Variants in ANO3 observed in about 807,000 individuals in gnomAD.
ANO3 encodes anoctamin 3.
A neutral mutation model predicts 144.8 loss-of-function variants in ANO3; 99 were observed. The ratio of observed to expected loss-of-function variants is 0.68; its 90% CI spans 0.58 to 0.81. ANO3 has a LOEUF of 0.81. Among genes scored for constraint, ANO3 ranks in the 30% least tolerant of loss-of-function variants. ANO3 has a pLI of 0.00. For synonymous variants in ANO3, 414 were observed against 392.6 expected, an observed-to-expected ratio of 1.05 and a Z score of -0.64; for missense variants, 905 against 1,202.2, an observed-to-expected ratio of 0.75 and a Z score of 3.66.
At chr11:26,514,990 G>A (rs558072290) in intron 5 of ANO3, among the ~76,000 whole-genome samples, 1 of 151,808 alleles carries the variant, frequency 6.6e-6, no homozygotes, top group African/African-American at 2.4e-5. Context: ...TTAAACAAAT[G>A]GTTATTTGAA....
Position 26,406,675 on chromosome 11 carries a change from C to T in ANO3, c.47-35243C>T, listed in dbSNP as rs1373887598. Reference sequence around the variant, plus strand: ...GTGAAAGGGGTCCAATAATCTATGGCAGTGTGTGTGTGTGTGTGTGTGTGT... The same window carrying T: ...GTGAAAGGGGTCCAATAATCTATGGTAGTGTGTGTGTGTGTGTGTGTGTGT... On this transcript the variant is annotated intron_variant, in intron 1 of 26. Coordinates refer to ENST00000256737, the MANE Select transcript of ANO3 (RefSeq NM_031418.4). Among the ~76,000 whole-genome samples, 7 of 102,594 alleles carry T rather than the reference C, an allele frequency of 6.8e-5. No individual in the cohort carries two copies. The South Asian group carries it at 2.2e-3, about 32-fold the overall frequency. 67.3% of individuals were successfully genotyped at this position (102,594 alleles called of 152,430 possible).
Position 26,440,583 on chromosome 11 carries a change from A to C in ANO3, c.47-1335A>C, listed in dbSNP as rs191803565. Among the ~76,000 whole-genome samples, 7 of 152,274 alleles carry C rather than the reference A, an allele frequency of 4.6e-5. No homozygotes were observed. In the East Asian group the frequency reaches 1.4e-3, roughly 29 times the overall value. On this transcript the variant is annotated intron_variant, in intron 1 of 26. Transcript: ENST00000256737. ...CATGAAGAATGAACTGAGACAGGCA[A>C]TTAGGTACAATAAGGATATCTACTC...
chr11:26,450,664 T>C (rs1858897428), intron 3 of ANO3, among the ~76,000 whole-genome samples: 2 of 152,166 alleles, frequency 1.3e-5, no homozygotes, highest in South Asian at 4.1e-4. Context: ...ATTTGAGAAA[T>C]GGAGATATCA....
At chr11:26,488,734 A>G (rs1860573117) in intron 4 of ANO3, among the ~76,000 whole-genome samples, 1 of 152,180 alleles carries the variant, frequency 6.6e-6, no homozygotes, top group South Asian at 2.1e-4. Flanking sequence ...CAGCTTGTAA[A>G]GGTAGTGTGG....
chr11:26,488,716 G>C (rs1860572332), intron 4 of ANO3, among the ~76,000 whole-genome samples: 1 of 152,194 alleles, frequency 6.6e-6, no homozygotes, highest in South Asian at 2.1e-4. Flanking sequence ...CCTTCGCAGT[G>C]AGTGTTACAG....
At chr11:26,521,663 T>C (rs1409736390) in intron 6 of ANO3, among the ~76,000 whole-genome samples, 1 of 152,188 alleles carries the variant, frequency 6.6e-6, no homozygotes, top group Non-Finnish European at 1.5e-5. Context: ...CTGTGTCTTC[T>C]GCATTCCAGA....
chr11:26,634,103 A>T, intron 18 of ANO3, 101 bp from the exon 19 acceptor site: 1 of 564,386 alleles, frequency 1.8e-6, no homozygotes, highest in Non-Finnish European at 3.0e-6. Context: ...AAAAAATTAA[A>T]TTAAAAAGAC....
intron 1 of ANO3, among the ~76,000 whole-genome samples, chr11:26,343,524 C>T (rs1364839095): frequency 6.6e-6 from 1 of 152,118 alleles, no homozygotes; most frequent in Non-Finnish European, 1.5e-5. Context: ...TGTAAGGATT[C>T]CCCTTTCTTC....
chr11:26,598,738 C>A, intron 15 of ANO3, 120 bp from the exon 16 acceptor site: 1 of 939,900 alleles, frequency 1.1e-6, no homozygotes, highest in Non-Finnish European at 1.6e-6. Flanking sequence ...TAAAAGGTTG[C>A]TTTATTGTGA....
chr11:26,292,633 C>A (rs555076424), intron 1 of ANO3, among the ~76,000 whole-genome samples: 65 of 152,126 alleles, frequency 4.3e-4, no homozygotes, highest in Non-Finnish European at 7.2e-4. Context: ...TGATGCAATT[C>A]CTTTCTGTTT....
chr11:26,283,621 T>A (rs1853735131), intron 1 of ANO3, among the ~76,000 whole-genome samples: 1 of 152,032 alleles, frequency 6.6e-6, no homozygotes, highest in Non-Finnish European at 1.5e-5. Flanking sequence ...TCTCACTTAG[T>A]AAGTACCTAC....
chr11:26,414,758 T>TA lies in ANO3; in HGVS notation c.47-27143dup, dbSNP rs971800105. Among the ~76,000 whole-genome samples, 5 of 139,998 alleles carry TA rather than the reference T, an allele frequency of 3.6e-5. No individual in the cohort carries two copies. The South Asian group carries it at 7.2e-4, about 20-fold the overall frequency. The allele number at this position is 139,998 out of a possible 152,430, so 91.8% of individuals were successfully genotyped here. On this transcript the variant is annotated intron_variant, in intron 1 of 26. Transcript: ENST00000256737. ...TGTATACAGGAACTTACAGTAAAGT[T>TA]AAAAAAAAAAAAAAAAAGAAAGAAA... is the stretch of plus-strand genomic sequence containing the variant.
At chr11:26,240,738 G>C (rs1023252247) in intron 1 of ANO3, among the ~76,000 whole-genome samples, 2 of 152,126 alleles carry the variant, frequency 1.3e-5, no homozygotes, top group East Asian at 1.9e-4. Context: ...ATAGTGACTT[G>C]ATAACTCCCT....
chr11:26,553,678 T>A (rs897663865), intron 13 of ANO3, among the ~76,000 whole-genome samples: 2 of 152,156 alleles, frequency 1.3e-5, no homozygotes, highest in South Asian at 2.1e-4. Context: ...TGAAAACTTA[T>A]GAAGTTAAAA....
intron 1 of ANO3, among the ~76,000 whole-genome samples, chr11:26,342,834 T>G (rs1312541135): frequency 1.3e-5 from 2 of 152,200 alleles, no homozygotes; most frequent in East Asian, 1.9e-4. Context: ...TTTTTTTTAT[T>G]TTTTTGTTTT....
chr11:26,443,616 A>C, intron 2 of ANO3, 149 bp from the exon 3 acceptor site: 1 of 533,172 alleles, frequency 1.9e-6, no homozygotes, highest in Non-Finnish European at 3.3e-6. Context: ...AACGGAAAAA[A>C]CAGTGACATT....
chr11:26,643,692 T>A (rs998254098), intron 23 of ANO3, among the ~76,000 whole-genome samples: 4 of 150,960 alleles, frequency 2.6e-5, no homozygotes, highest in Non-Finnish European at 5.9e-5. Context: ...GAGGCAGAGG[T>A]TGCAGCCTGG....
chr11:26,329,228 T>C (rs760710564), upstream of ANO3, among the ~76,000 whole-genome samples: 2 of 152,062 alleles, frequency 1.3e-5, no homozygotes, highest in Non-Finnish European at 1.5e-5. Flanking sequence ...ATTTTTATTT[T>C]GAGTTAAAAA....
chr11:26,577,290 A>G (rs975555547), intron 14 of ANO3, among the ~76,000 whole-genome samples: 2 of 152,178 alleles, frequency 1.3e-5, no homozygotes, highest in Non-Finnish European at 1.5e-5. Flanking sequence ...GTGGCTGGGC[A>G]TGGTGGTTCA....
Sources: gnomAD v4.1 joint callset for allele counts (sites outside exome capture counted in the v4.1 genomes callset) on GRCh38, gnomAD v4.1.1 for gene constraint, MANE v1.5 for transcripts, NCBI Gene and HGNC (gene_info 2026-07-23, HGNC 2026-07-21) for gene names.